Variants in IL15 observed in about 807,000 individuals in gnomAD.
IL15 encodes interleukin-15.
In IL15, 11 loss-of-function variants were observed where a neutral mutation model predicts 19.6. The ratio of observed to expected loss-of-function variants is 0.56; its 90% CI spans 0.35 to 0.93. The LOEUF (loss-of-function observed/expected upper bound fraction) is 0.93. Ranked by LOEUF, IL15 falls within the 40% of genes least tolerant of loss-of-function variation. IL15 has a pLI of 0.01. For synonymous variants in IL15, 58 were observed against 59.6 expected, an observed-to-expected ratio of 0.97 and a Z score of 0.12; for missense variants, 197 against 186.5, an observed-to-expected ratio of 1.06 and a Z score of -0.33.
At chr4:141,636,817 C>T (rs1726870344) in intron 1 of IL15, 69 bp downstream of exon 1, 1 of 152,386 alleles carries the variant, frequency 6.6e-6, no homozygotes, top group Non-Finnish European at 1.5e-5. Context: ...GAATTTTCCC[C>T]GAAAGCCTAC....
At chr4:141,644,375 C>G (rs559631881) in intron 1 of IL15, among the ~76,000 whole-genome samples, 18 of 152,104 alleles carry the variant, frequency 1.2e-4, no homozygotes, top group Non-Finnish European at 2.4e-4. Context: ...GGGCTACTTT[C>G]GGCTGCTTGA....
chr4:141,719,380 G>A lies in IL15; in HGVS notation c.-85G>A. ...CTTTACCCTAGATTGTATTGTAGGAGGCATTGTGGATGGATGGCTGCTGGA... is the reference window on the plus strand; with the variant it reads ...CTTTACCCTAGATTGTATTGTAGGAAGCATTGTGGATGGATGGCTGCTGGA... On this transcript the variant is annotated 5_prime_UTR_variant, in exon 3 of 8. Transcript: ENST00000320650. The A allele has an allele frequency of 1.4e-6, 1 of 712,992 alleles. No homozygotes were observed. Among genetic ancestry groups the A allele is most frequent in the Non-Finnish European group, 2.6e-6 (1 of 390,716 alleles). 44.2% of individuals were successfully genotyped at this position (712,992 alleles called of 1,614,324 possible). A position where few individuals can be genotyped will look rare whatever the true frequency, so the allele number is the denominator to read the frequency against.
intron 2 of IL15, among the ~76,000 whole-genome samples, chr4:141,662,222 G>GT (rs1345621861): frequency 1.3e-5 from 2 of 152,192 alleles, no homozygotes; most frequent in African/African-American, 4.8e-5. Flanking sequence ...CAAGTTTATT[G>GT]TTTTTTCCAC....
intron 5 of IL15, among the ~76,000 whole-genome samples, chr4:141,726,476 ATCAT>A (rs1347358862): frequency 6.6e-6 from 1 of 152,208 alleles, no homozygotes; most frequent in Non-Finnish European, 1.5e-5. Flanking sequence ...GAGAAACTGG[ATCAT>A]TCATACATTG....
intron 1 of IL15, among the ~76,000 whole-genome samples, chr4:141,655,808 T>A (rs79637417): frequency 9.3e-4 from 141 of 152,366 alleles, no homozygotes; most frequent in African/African-American, 2.9e-3. Context: ...TCTTCAGACT[T>A]GGTCAATAAC....
intron 2 of IL15, among the ~76,000 whole-genome samples, chr4:141,671,277 C>T (rs910737467): frequency 6.6e-6 from 1 of 152,062 alleles, no homozygotes; most frequent in African/African-American, 2.4e-5. Context: ...TAATACATAA[C>T]TCAGAGGGTT....
At chr4:141,639,729 T>C (rs534753841) in intron 1 of IL15, among the ~76,000 whole-genome samples, 1 of 152,348 alleles carries the variant, frequency 6.6e-6, no homozygotes, top group African/African-American at 2.4e-5. Context: ...CTTCTTTTGC[T>C]CGATATTAGC....
At chr4:141,646,223 T>C (rs2152152876) in intron 1 of IL15, among the ~76,000 whole-genome samples, 1 of 152,110 alleles carries the variant, frequency 6.6e-6, no homozygotes, top group African/African-American at 2.4e-5. Context: ...CCCCACATGG[T>C]TCTCCCATCT....
chr4:141,726,951 C>G (rs550674168), intron 5 of IL15, among the ~76,000 whole-genome samples: 1 of 151,980 alleles, frequency 6.6e-6, no homozygotes, highest in Non-Finnish European at 1.5e-5. Flanking sequence ...AAGATGGGGA[C>G]GCCAATCTGA....
chr4:141,666,081 A>ATTAATTATTTATTTAT (rs1553987606), intron 2 of IL15, among the ~76,000 whole-genome samples: 1 of 143,358 alleles, frequency 7.0e-6, no homozygotes, highest in Non-Finnish European at 1.5e-5. Flanking sequence ...CTTTTTATTT[A>ATTAATTATTTATTTAT]TTATTTATTT....
intron 2 of IL15, among the ~76,000 whole-genome samples, chr4:141,707,403 T>C (rs1560930233): frequency 6.6e-6 from 1 of 152,198 alleles, no homozygotes; most frequent in Non-Finnish European, 1.5e-5. Context: ...ATCATTTTAC[T>C]TGGGGTCTTC....
At chr4:141,649,168 C>T (rs1416288737) in intron 1 of IL15, among the ~76,000 whole-genome samples, 2 of 152,096 alleles carry the variant, frequency 1.3e-5, no homozygotes, top group East Asian at 3.9e-4. Context: ...CTTCTCCTGA[C>T]TCGCCTGGTC....
chr4:141,667,920 T>A (rs910378832), intron 2 of IL15, among the ~76,000 whole-genome samples: 1 of 152,218 alleles, frequency 6.6e-6, no homozygotes, highest in Admixed American at 6.5e-5. Flanking sequence ...ATTCTTTCTC[T>A]TATTTTAATT....
chr4:141,731,939 G>T (rs576032792), intron 7 of IL15, among the ~76,000 whole-genome samples: 1 of 152,214 alleles, frequency 6.6e-6, no homozygotes, highest in East Asian at 1.9e-4. Context: ...ACAATTTGTG[G>T]TATTCACCTA....
At chr4:141,700,303 A>G (rs576175848) in intron 2 of IL15, among the ~76,000 whole-genome samples, 1 of 152,256 alleles carries the variant, frequency 6.6e-6, no homozygotes, top group South Asian at 2.1e-4. Context: ...GATTTCTTGT[A>G]GTGCTGGGTT....
In IL15 at chr4:141,720,677, A is replaced by G. The variant is rs552304090; in HGVS notation, c.110+111A>G. 4.1e-6 allele frequency: 3 copies of G among 726,662 alleles called. No individual in the cohort carries two copies. In the South Asian group the frequency reaches 4.6e-5, roughly 11 times the overall value. 45.0% of individuals were successfully genotyped at this position (726,662 alleles called of 1,614,324 possible). A position where few individuals can be genotyped will look rare whatever the true frequency, so the allele number is the denominator to read the frequency against. ...GTTCAGTTTGCTTATATCTCTAGGT[A>G]CTCAGTATCTGGGGGATAGAAGGCA... On this transcript the variant is annotated intron_variant, in intron 4 of 7. Transcript: ENST00000320650.
intron 5 of IL15, among the ~76,000 whole-genome samples, chr4:141,724,469 A>G (rs1730193099): frequency 6.6e-6 from 1 of 152,052 alleles, no homozygotes; most frequent in Non-Finnish European, 1.5e-5. Flanking sequence ...ATTTAAATAT[A>G]AGAGCCAAAA....
In IL15 at chr4:141,720,490, T is replaced by A. The variant is rs1425739468; in HGVS notation, c.34T>A (p.Ser12Thr). The change falls in exon 4 of 8, where the codon TCC becomes ACC. Residue 12 changes from serine (S) to threonine (T), a missense_variant. Ser to Thr is a moderately conservative substitution (Grantham distance 58). Transcript: ENST00000320650. ...TCAGAAACCACATTTGAGAAGTATTTCCATCCAGTGCTACTTGTGTTTACT... is the reference window on the plus strand; with the variant it reads ...TCAGAAACCACATTTGAGAAGTATTACCATCCAGTGCTACTTGTGTTTACT... ...RISKPHLRSI[S>T]IQCYLCLLLN... 1 of 1,586,092 alleles carries A rather than the reference T, an allele frequency of 6.3e-7. No individual in the cohort carries two copies. The highest frequency in any genetic ancestry group is 1.7e-5 in the Admixed American group (1 of 59,556).
At chr4:141,694,300 T>C (rs1467616920) in intron 2 of IL15, among the ~76,000 whole-genome samples, 2 of 152,192 alleles carry the variant, frequency 1.3e-5, no homozygotes, top group Non-Finnish European at 1.5e-5. Flanking sequence ...TACTGGACTA[T>C]TAAATGTAAT....
Sources: gnomAD v4.1 joint callset for allele counts (sites outside exome capture counted in the v4.1 genomes callset) on GRCh38, gnomAD v4.1.1 for gene constraint, MANE v1.5 for transcripts, NCBI Gene and HGNC (gene_info 2026-07-23, HGNC 2026-07-21) for gene names.